USH2A: variants seen among roughly 807,000 people sequenced by gnomAD.
USH2A encodes the protein usherin.
In USH2A, 443 loss-of-function variants were observed where a neutral mutation model predicts 538.9. The ratio of observed to expected loss-of-function variants is 0.82; its 90% CI spans 0.76 to 0.89. USH2A has a LOEUF of 0.89. USH2A is among the 40% of genes least tolerant of loss of function. The pLI is 0.00. For synonymous variants in USH2A, 2,413 were observed against 2,273.5 expected, an observed-to-expected ratio of 1.06 and a Z score of -1.75; for missense variants, 6,633 against 6,324.8, an observed-to-expected ratio of 1.05 and a Z score of -1.65.
chr1:216,343,503 G>A (rs2038116294), intron 4 of USH2A, among the ~76,000 whole-genome samples: 1 of 149,550 alleles, frequency 6.7e-6, no homozygotes, highest in Admixed American at 6.7e-5. Flanking sequence ...TCCAGCCTGG[G>A]CGACAAAGCA....
intron 3 of USH2A, among the ~76,000 whole-genome samples, chr1:216,380,450 A>G (rs2038906295): frequency 6.6e-6 from 1 of 152,142 alleles, no homozygotes; most frequent in Non-Finnish European, 1.5e-5. Context: ...ATGTGAAAGG[A>G]GGCCAGTGTT....
chr1:216,101,815 A>G lies in USH2A; in HGVS notation c.4628-4602T>C, dbSNP rs78323853. ...ATATTCATTCATTCAGGAAATATTTAAGGAACACATACTTTGTACAAATGG... is the reference window on the plus strand; with the variant it reads ...ATATTCATTCATTCAGGAAATATTTGAGGAACACATACTTTGTACAAATGG... On this transcript the variant is annotated intron_variant, in intron 21 of 71. Transcript: ENST00000307340. 7.8e-3 allele frequency among the ~76,000 whole-genome samples: 1,188 copies of G among 152,364 alleles called. 9 individuals carry two copies. The highest frequency in any genetic ancestry group is 0.027 in the African/African-American group (1,119 of 41,582).
At chr1:216,235,877 G>T (rs542697669) in intron 13 of USH2A, among the ~76,000 whole-genome samples, 138 of 152,298 alleles carry the variant, frequency 9.1e-4, no homozygotes, top group African/African-American at 3.0e-3. Context: ...TTACACAAGA[G>T]CCTGGGGAGG....
intron 29 of USH2A, chr1:216,072,334 G>T (rs1177660708): frequency 1.1e-5 from 2 of 174,490 alleles, no homozygotes; most frequent in Non-Finnish European, 2.5e-5. Context: ...CTCCTAGTTG[G>T]TTCTTTTCCA....
intron 61 of USH2A, among the ~76,000 whole-genome samples, chr1:215,688,562 G>A (rs1363801663): frequency 6.6e-6 from 1 of 152,092 alleles, no homozygotes; most frequent in African/African-American, 2.4e-5. Context: ...TCATTTTCTT[G>A]CAATTCTTGA....
rs1412548381 is a variant in USH2A, at chr1:215,625,611, C to G, written c.*170G>C. ...ATTTAAGATGAGAAAAATATCATTT[C>G]TTAGACCTCTATTAGGAAGGAACAC... is the stretch of plus-strand genomic sequence containing the variant. On this transcript the variant is annotated 3_prime_UTR_variant, in exon 72 of 72. Transcript: ENST00000307340. The G allele has an allele frequency of 4.5e-6, 3 of 670,844 alleles. No individual in the cohort carries two copies. In the African/African-American group the frequency reaches 5.4e-5, roughly 12 times the overall value. The allele number at this position is 670,844 out of a possible 1,614,324, so 41.6% of individuals were successfully genotyped here. A position where few individuals can be genotyped will look rare whatever the true frequency, so the allele number is the denominator to read the frequency against.
chr1:216,047,880 T>C (rs1401614986), intron 31 of USH2A, among the ~76,000 whole-genome samples: 1 of 152,244 alleles, frequency 6.6e-6, no homozygotes, highest in East Asian at 1.9e-4. Context: ...TGATGCATTC[T>C]GATGCTTGAG....
intron 44 of USH2A, among the ~76,000 whole-genome samples, chr1:215,853,962 C>T (rs1281959922): frequency 6.6e-6 from 1 of 152,222 alleles, no homozygotes; most frequent in African/African-American, 2.4e-5. Context: ...GTTCCAACCT[C>T]TGCCTGTTAC....
intron 61 of USH2A, among the ~76,000 whole-genome samples, chr1:215,718,129 G>A (rs1659538223): frequency 6.6e-6 from 1 of 152,194 alleles, no homozygotes; most frequent in Non-Finnish European, 1.5e-5. Context: ...CCCAGGCACA[G>A]CACTAACAAG....
At chr1:215,645,454 G>T (rs1234666636) in intron 67 of USH2A, among the ~76,000 whole-genome samples, 1 of 152,182 alleles carries the variant, frequency 6.6e-6, no homozygotes, top group Non-Finnish European at 1.5e-5. Flanking sequence ...TAGTCTATAT[G>T]AATGGCATCC....
rs897825072 is a variant in USH2A at position 215,885,000 on chromosome 1, T to C, written c.8223+3426A>G. Among the ~76,000 whole-genome samples, 3 of 152,196 alleles carry C rather than the reference T, an allele frequency of 2.0e-5. No homozygotes were observed. The South Asian group carries it at 6.2e-4, about 32-fold the overall frequency. On this transcript the variant is annotated intron_variant, in intron 41 of 71. Coordinates refer to ENST00000307340, the MANE Select transcript of USH2A (RefSeq NM_206933.4). Reference sequence around the variant, plus strand: ...CATCAAGGTTTACAGGCTCATGATGTTATCATAAAAGAAGTTTTTTTTTTC... The same window carrying C: ...CATCAAGGTTTACAGGCTCATGATGCTATCATAAAAGAAGTTTTTTTTTTC...
intron 61 of USH2A, among the ~76,000 whole-genome samples, chr1:215,683,707 T>C (rs2820680): frequency 0.74 from 112,286 of 151,982 alleles, 41,849 homozygotes; most frequent in East Asian, 0.9. Flanking sequence ...TTCTTCCGTT[T>C]CTTCCTTTCT....
At chr1:216,086,633 T>C in intron 24 of USH2A, 86 bp downstream of exon 24, 3 of 1,141,284 alleles carry the variant, frequency 2.6e-6, no homozygotes, top group Non-Finnish European at 3.9e-6. Context: ...AGGTAGAACA[T>C]AATACTTATT....
chr1:215,861,866 A>T (rs901296576), intron 44 of USH2A, among the ~76,000 whole-genome samples: 13 of 133,680 alleles, frequency 9.7e-5, no homozygotes. Flanking sequence ...TTTGAGACAG[A>T]GTCTCACTCT....
intron 64 of USH2A, among the ~76,000 whole-genome samples, chr1:215,662,185 T>A (rs576921675): frequency 1.9e-4 from 29 of 152,184 alleles, no homozygotes; most frequent in Non-Finnish European, 3.7e-4. Context: ...GGACCTAAGT[T>A]TTAGGTGACT....
At chr1:216,003,203 GT>G (rs1668307095) in intron 32 of USH2A, among the ~76,000 whole-genome samples, 1 of 152,092 alleles carries the variant, frequency 6.6e-6, no homozygotes, top group African/African-American at 2.4e-5. Context: ...AGAATGGCTA[GT>G]GAGCCAGGAT....
intron 69 of USH2A, among the ~76,000 whole-genome samples, chr1:215,635,678 C>A (rs948564784): frequency 1.4e-4 from 22 of 152,082 alleles, no homozygotes; most frequent in African/African-American, 5.3e-4. Flanking sequence ...GCCTCAGCCT[C>A]CCAAGTAGCT....
At chr1:215,796,872 CCTTCAACAGACCTT>C (rs1662155873) in intron 50 of USH2A, among the ~76,000 whole-genome samples, 1 of 27,766 alleles carries the variant, frequency 3.6e-5, no homozygotes, top group African/African-American at 8.6e-5. Flanking sequence ...TCCTCCCACA[CCTTCAACAGACCTT>C]CTTCTCTTTT....
intron 50 of USH2A, among the ~76,000 whole-genome samples, chr1:215,796,320 C>A (rs1157921398): frequency 1.3e-5 from 2 of 152,040 alleles, no homozygotes; most frequent in Non-Finnish European, 1.5e-5. Flanking sequence ...TCTATTGGTG[C>A]CAATTTTCCA....
Sources: gnomAD v4.1 joint callset for allele counts (sites outside exome capture counted in the v4.1 genomes callset) on GRCh38, gnomAD v4.1.1 for gene constraint, MANE v1.5 for transcripts, NCBI Gene and HGNC (gene_info 2026-07-23, HGNC 2026-07-21) for gene names.